PRKG1: variants seen among roughly 807,000 people sequenced by gnomAD.
PRKG1 encodes cGMP-dependent protein kinase 1.
Under a neutral mutation model 88.1 loss-of-function variants are expected in PRKG1, and 35 were observed. That is an observed-to-expected ratio of 0.40 (90% CI 0.30 to 0.53). The LOEUF is 0.53. Among genes scored for constraint, PRKG1 ranks in the 20% least tolerant of loss-of-function variants. The pLI, the probability that PRKG1 is intolerant of heterozygous loss-of-function variation, is 0.59. For missense variants in PRKG1, 540 were observed against 839.8 expected (o/e 0.64, Z 4.41); for synonymous variants, 303 against 292.5 (o/e 1.04, Z -0.37).
chr10:51,565,299 C>T (rs1158036491), intron 3 of PRKG1, among the ~76,000 whole-genome samples: 2 of 152,034 alleles, frequency 1.3e-5, no homozygotes, highest in East Asian at 1.9e-4. Flanking sequence ...TTCATACTGT[C>T]CTCACATTGC....
At chr10:51,909,936 A>G (rs924889703) in intron 5 of PRKG1, 1 of 152,238 alleles carries the variant, frequency 6.6e-6, no homozygotes, top group African/African-American at 2.4e-5. Flanking sequence ...CCCCTTGAGT[A>G]AGCACAAGAG....
chr10:51,899,252 T>C (rs1323335460), intron 4 of PRKG1, among the ~76,000 whole-genome samples: 1 of 152,078 alleles, frequency 6.6e-6, no homozygotes, highest in Non-Finnish European at 1.5e-5. Context: ...GAATTAAAAA[T>C]GAAAATATTT....
intron 3 of PRKG1, among the ~76,000 whole-genome samples, chr10:51,470,233 G>T (rs1328404025): frequency 6.6e-6 from 1 of 151,676 alleles, no homozygotes. Context: ...TTATTTCTTA[G>T]TATTCAAGAT....
intron 3 of PRKG1, among the ~76,000 whole-genome samples, chr10:51,494,787 T>C (rs1840806506): frequency 1.3e-5 from 2 of 152,370 alleles, no homozygotes; most frequent in East Asian, 1.9e-4. Context: ...TGTTTGTGAC[T>C]TCGAAAATTT....
intron 9 of PRKG1, among the ~76,000 whole-genome samples, chr10:52,170,409 T>C (rs1210496833): frequency 3.3e-5 from 5 of 152,186 alleles, no homozygotes; most frequent in African/African-American, 1.2e-4. Flanking sequence ...GATGTATCTA[T>C]GGTAGTGAAC....
chr10:52,101,361 A>AT (rs5784904), intron 7 of PRKG1, among the ~76,000 whole-genome samples: 59,437 of 151,862 alleles, frequency 0.39, 14,149 homozygotes, highest in Non-Finnish European at 0.51. Flanking sequence ...CACATTATAT[A>AT]TTTTTTGTGA....
intron 2 of PRKG1, among the ~76,000 whole-genome samples, chr10:51,362,028 CTG>C (rs1564461924): frequency 6.6e-6 from 1 of 151,716 alleles, no homozygotes; most frequent in Non-Finnish European, 1.5e-5. Flanking sequence ...ATTAAAAAAA[CTG>C]AAATAAAAAT....
intron 3 of PRKG1, among the ~76,000 whole-genome samples, chr10:51,516,819 G>T (rs1333728740): frequency 6.6e-6 from 1 of 152,176 alleles, no homozygotes; most frequent in Non-Finnish European, 1.5e-5. Context: ...AATATAGGAT[G>T]AATAAAACAG....
chr10:52,218,588 C>T (rs563509131), intron 9 of PRKG1, among the ~76,000 whole-genome samples: 1 of 152,118 alleles, frequency 6.6e-6, no homozygotes, highest in Admixed American at 6.5e-5. Flanking sequence ...TATTCTCCAA[C>T]CTGAATAGAA....
At chr10:52,099,836 A>T (rs1373944058) in intron 7 of PRKG1, among the ~76,000 whole-genome samples, 1 of 152,188 alleles carries the variant, frequency 6.6e-6, no homozygotes, top group African/African-American at 2.4e-5. Flanking sequence ...ATTGGGACAA[A>T]TTAAGATTTG....
chr10:51,536,296 T>G (rs1842149613), intron 3 of PRKG1, among the ~76,000 whole-genome samples: 1 of 152,190 alleles, frequency 6.6e-6, no homozygotes. Context: ...TGATGATTAT[T>G]GATACTGAAT....
intron 2 of PRKG1, among the ~76,000 whole-genome samples, chr10:51,281,275 G>T (rs537545337): frequency 6.6e-6 from 1 of 152,134 alleles, no homozygotes; most frequent in Admixed American, 6.5e-5. Context: ...TGCCCCTACT[G>T]GGGGGTGCCT....
intron 3 of PRKG1, among the ~76,000 whole-genome samples, chr10:51,583,122 AAGAATAT>A (rs1321090182): frequency 7.2e-5 from 11 of 152,128 alleles, no homozygotes. Context: ...AGTACACAGA[AAGAATAT>A]AGCACAGTAG....
chr10:51,320,810 C>T (rs192813629), intron 2 of PRKG1: 60 of 152,236 alleles, frequency 3.9e-4, no homozygotes, highest in African/African-American at 1.4e-3. Flanking sequence ...ACATTCTATC[C>T]TTAAATACTT....
intron 7 of PRKG1, among the ~76,000 whole-genome samples, chr10:52,090,308 A>C (rs1847024716): frequency 6.6e-6 from 1 of 152,124 alleles, no homozygotes; most frequent in Admixed American, 6.6e-5. Context: ...AGAGCTCCCA[A>C]TGGGCAAAGC....
intron 5 of PRKG1, among the ~76,000 whole-genome samples, chr10:51,950,021 A>G (rs952644389): frequency 2.6e-5 from 4 of 152,188 alleles, no homozygotes; most frequent in Admixed American, 2.0e-4. Context: ...GCTTCCTGTC[A>G]CCAAAGGCAT....
intron 3 of PRKG1, among the ~76,000 whole-genome samples, chr10:51,680,157 T>C (rs1272883479): frequency 6.6e-6 from 1 of 152,110 alleles, no homozygotes; most frequent in Non-Finnish European, 1.5e-5. Context: ...CCTCAGCCTT[T>C]AATTAGCCAC....
At chr10:51,863,642 T>G (rs1206633575) in intron 4 of PRKG1, among the ~76,000 whole-genome samples, 2 of 152,150 alleles carry the variant, frequency 1.3e-5, no homozygotes, top group African/African-American at 4.8e-5. Context: ...TTCCATCTCC[T>G]GCTCTCTCTC....
intron 3 of PRKG1, among the ~76,000 whole-genome samples, chr10:51,536,121 A>G (rs1252764075): frequency 6.6e-6 from 1 of 152,222 alleles, no homozygotes; most frequent in Non-Finnish European, 1.5e-5. Context: ...CTAATGCGAC[A>G]AAGTGATTGT....
Sources: allele counts gnomAD v4.1 joint callset (sites outside exome capture counted in the v4.1 genomes callset), GRCh38; gene constraint gnomAD v4.1.1; transcripts MANE v1.5; gene names NCBI Gene and HGNC (gene_info 2026-07-23, HGNC 2026-07-21).